Variants in YWHAZ observed in about 807,000 individuals in gnomAD.
The protein encoded by YWHAZ is tyrosine 3-monooxygenase/tryptophan 5-monooxygenase activation protein zeta, also known as 14-3-3 protein zeta/delta.
For missense variants in YWHAZ, 79 were observed against 284.8 expected, an observed-to-expected ratio of 0.28 and a Z score of 5.20; for synonymous variants, 87 against 103.6, an observed-to-expected ratio of 0.84 and a Z score of 0.97.
chr8:100,943,493 T>G (rs995333620), intron 2 of YWHAZ, among the ~76,000 whole-genome samples: 7 of 152,208 alleles, frequency 4.6e-5, no homozygotes, highest in African/African-American at 1.7e-4. Context: ...AATCCAAAAG[T>G]CCAATGACAT....
At chr8:100,935,225 A>T (rs3134353) in intron 2 of YWHAZ, among the ~76,000 whole-genome samples, 99,747 of 152,056 alleles carry the variant, frequency 0.66, 33,264 homozygotes, top group African/African-American at 0.79. Flanking sequence ...ATAGGCTCTA[A>T]TAAAGGCACG....
intron 2 of YWHAZ, among the ~76,000 whole-genome samples, chr8:100,939,227 C>CT (rs944313740): frequency 3.6e-4 from 54 of 148,154 alleles, no homozygotes; most frequent in Admixed American, 1.1e-3. Context: ...TGTTCTAAAA[C>CT]TTTTTTTTTT....
Position 100,924,391 on chromosome 8 carries a change from A to G in YWHAZ, c.419-93T>C, listed in dbSNP as rs1813221600. 7.7e-7 allele frequency: 1 copy of G among 1,295,430 alleles called. No homozygotes were observed. Among genetic ancestry groups the G allele is most frequent in the African/African-American group, 1.5e-5 (1 of 67,310 alleles). 80.2% of individuals were successfully genotyped at this position (1,295,430 alleles called of 1,614,324 possible). A position where few individuals can be genotyped will look rare whatever the true frequency, so the allele number is the denominator to read the frequency against. ...CTTTAATATCTCACATATCCTTTGA[A>G]ATACTAACCTGTAACAGCTTAATAT... On this transcript the variant is annotated intron_variant, in intron 3 of 5. Transcript: ENST00000395958. The surrounding 1 kb of genome is among the most constrained non-coding windows in gnomAD (Gnocchi z 5.7).
In YWHAZ at chr8:100,933,473, G is replaced by A. The variant is rs1044677430; in HGVS notation, c.295-8434C>T. Among the ~76,000 whole-genome samples, 30 of 152,172 alleles carry A rather than the reference G, an allele frequency of 2.0e-4. No individual in the cohort carries two copies. The Middle Eastern group carries it at 0.014, about 69-fold the overall frequency. ...TAACAACTGATTTAAAGTAACCTCT[G>A]CTATGTTGTACACCTTAAATATATA... On this transcript the variant is annotated intron_variant, in intron 2 of 5. Coordinates refer to ENST00000395958, the MANE Select transcript of YWHAZ (RefSeq NM_145690.3).
At position 100,922,677 on chromosome 8, in the gene YWHAZ, C is replaced by A. The variant is rs191506636; in HGVS notation, c.678+1278G>T. ...GGGATTACAGGCGTGAGCCACCACG[C>A]CCGGCCAACCCTGGTTTTCTTATTG... On this transcript the variant is annotated intron_variant, in intron 5 of 5. Coordinates refer to ENST00000395958, the MANE Select transcript of YWHAZ (RefSeq NM_145690.3). This position sits in a 1 kb window ranked among gnomAD's most constrained non-coding sequence, Gnocchi z 4.1. 1 of 152,426 alleles carries A rather than the reference C, an allele frequency of 6.6e-6. No individual in the cohort carries two copies. The highest frequency in any genetic ancestry group is 1.9e-4 in the East Asian group (1 of 5,192). 9.4% of individuals were successfully genotyped at this position (152,426 alleles called of 1,614,324 possible). A position where few individuals can be genotyped will look rare whatever the true frequency, so the allele number is the denominator to read the frequency against.
At chr8:100,952,153 C>G (rs1422323351), upstream of YWHAZ, 2 of 985,332 alleles carry the variant, frequency 2.0e-6, no homozygotes, top group African/African-American at 1.7e-5. Context: ...GATTGGTGCC[C>G]ACAGCGATCG....
At position 100,918,318 on chromosome 8, in the gene YWHAZ, G is replaced by T. The variant is rs1368500141; in HGVS notation, c.*2375C>A. The T allele has an allele frequency of 1.6e-4, 22 of 138,008 alleles. No homozygotes were observed. Among genetic ancestry groups the T allele is most frequent in the Non-Finnish European group, 1.6e-4 (10 of 64,074 alleles). The allele number at this position is 138,008 out of a possible 1,614,324, so 8.5% of individuals were successfully genotyped here. Reference sequence around the variant, plus strand: ...AGATCGCACCACTGCACTCAAGCCTGGGTGACAGAGCAAGACTCTTGTCTC... The same window carrying T: ...AGATCGCACCACTGCACTCAAGCCTTGGTGACAGAGCAAGACTCTTGTCTC... On this transcript the variant is annotated 3_prime_UTR_variant, in exon 6 of 6. Transcript: ENST00000395958.
At chr8:100,937,486 T>C (rs1814236269) in intron 2 of YWHAZ, among the ~76,000 whole-genome samples, 1 of 152,206 alleles carries the variant, frequency 6.6e-6, no homozygotes. Flanking sequence ...TCGAGTGTCA[T>C]TAGCAAATAG....
In YWHAZ at chr8:100,948,126, T is replaced by A; in HGVS notation, c.294+470A>T. The A allele has an allele frequency of 6.5e-7, 1 of 1,534,688 alleles. No individual in the cohort carries two copies. Among genetic ancestry groups the A allele is most frequent in the Non-Finnish European group, 8.7e-7 (1 of 1,146,662 alleles). On this transcript the variant is annotated intron_variant, in intron 2 of 5. Coordinates refer to ENST00000395958, the MANE Select transcript of YWHAZ (RefSeq NM_145690.3). This position sits in a 1 kb window ranked among gnomAD's most constrained non-coding sequence, Gnocchi z 4.2. ...GGTTTCATAGTTGTGACGCCAGAGT[T>A]TTCTGCATGGTTGACTCATTACATT...
intron 2 of YWHAZ, 33 bp from the exon 3 acceptor site, chr8:100,925,072 T>A: frequency 6.3e-7 from 1 of 1,575,730 alleles, no homozygotes; most frequent in South Asian, 1.2e-5. Flanking sequence ...ATAGTGAGAA[T>A]AAAACATTTA....
chr8:100,925,796 CTT>C (rs753363458), intron 2 of YWHAZ, among the ~76,000 whole-genome samples: 67 of 152,278 alleles, frequency 4.4e-4, no homozygotes, highest in Non-Finnish European at 8.4e-4. Flanking sequence ...AAATTACACT[CTT>C]TAACTGATTT....
At chr8:100,935,720 TTGTTAA>T (rs1169124485) in intron 2 of YWHAZ, among the ~76,000 whole-genome samples, 1 of 152,150 alleles carries the variant, frequency 6.6e-6, no homozygotes, top group Admixed American at 6.5e-5. Context: ...CAGAGTAAAC[TTGTTAA>T]GAAGTCAAGG....
chr8:100,951,327 C>A, intron 1 of YWHAZ: 1 of 984,696 alleles, frequency 1.0e-6, no homozygotes, highest in Non-Finnish European at 1.2e-6. Context: ...CCGGCCCCTC[C>A]CCGCCGCGCC....
chr8:100,948,907 G>C lies in YWHAZ; in HGVS notation c.-11-7C>G. 1 of 1,559,722 alleles carries C rather than the reference G, an allele frequency of 6.4e-7. No individual in the cohort carries two copies. The highest frequency in any genetic ancestry group is 8.6e-7 in the Non-Finnish European group (1 of 1,162,388). On this transcript the variant is annotated splice_polypyrimidine_tract_variant and splice_region_variant and intron_variant, in intron 1 of 5. Coordinates refer to ENST00000395958, the MANE Select transcript of YWHAZ (RefSeq NM_145690.3). The surrounding 1 kb of genome is among the most constrained non-coding windows in gnomAD (Gnocchi z 4.2). ...TTATCCATGACTGGATGTTCTGCAGGGGGGAAAAAAGGAGTATTTAAAATT... is the reference window on the plus strand; with the variant it reads ...TTATCCATGACTGGATGTTCTGCAGCGGGGAAAAAAGGAGTATTTAAAATT...
intron 1 of YWHAZ, chr8:100,950,660 G>GC (rs1563693832): frequency 2.9e-5 from 26 of 903,652 alleles, no homozygotes; most frequent in Admixed American, 6.2e-5. Flanking sequence ...CAAGCCGTGG[G>GC]GGGGGGGGAG....
rs201232234 is a variant in YWHAZ at position 100,924,115 on chromosome 8, G to A, written c.582+20C>T. ...ATAATAAAGACTGCTAAATTTCTAC[G>A]TAACAGGTAAAATACATACTGTCTT... On this transcript the variant is annotated intron_variant, in intron 4 of 5. Transcript: ENST00000395958. This position sits in a 1 kb window ranked among gnomAD's most constrained non-coding sequence, Gnocchi z 5.7. 29 of 1,608,490 alleles carry A rather than the reference G, an allele frequency of 1.8e-5. No individual in the cohort carries two copies. Among genetic ancestry groups the A allele is most frequent in the Middle Eastern group, 1.7e-4 (1 of 6,044 alleles).
chr8:100,933,016 A>G (rs1813865374), intron 2 of YWHAZ, among the ~76,000 whole-genome samples: 1 of 152,226 alleles, frequency 6.6e-6, no homozygotes, highest in Admixed American at 6.5e-5. Context: ...CACCAGTGCT[A>G]AATGTCAACA....
chr8:100,923,692 T>C (rs1813179797), intron 5 of YWHAZ: 1 of 290,504 alleles, frequency 3.4e-6, no homozygotes, highest in Non-Finnish European at 6.4e-6. Context: ...ATGTAGAGTC[T>C]CAGCACACTT....
At chr8:100,926,196 CA>C (rs1813349069) in intron 2 of YWHAZ, among the ~76,000 whole-genome samples, 2 of 129,292 alleles carry the variant, frequency 1.5e-5, no homozygotes, top group Admixed American at 8.6e-5. Context: ...CTTCTTCCCC[CA>C]ATTTTTTTTT....
Sources: allele counts gnomAD v4.1 joint callset (sites outside exome capture counted in the v4.1 genomes callset), GRCh38; gene constraint gnomAD v4.1.1; non-coding constraint Gnocchi (gnomAD v3.1); transcripts MANE v1.5; gene names NCBI Gene and HGNC (gene_info 2026-07-23, HGNC 2026-07-21).